The following SPI1 variants were observed in gnomAD, a reference collection of about 807,000 sequenced individuals.
SPI1 encodes the protein Spi-1 proto-oncogene.
Under a neutral mutation model 30.7 loss-of-function variants are expected in SPI1, and 3 were observed. The ratio of observed to expected loss-of-function variants is 0.10; its 90% CI spans 0.04 to 0.25. The LOEUF (loss-of-function observed/expected upper bound fraction) is 0.25, where lower values mean the gene tolerates loss of function less well. Ranked by LOEUF, SPI1 falls within the 10% of genes least tolerant of loss-of-function variation. The pLI is 1.00. For synonymous variants in SPI1, 169 were observed against 157.1 expected (o/e 1.08, Z -0.56); for missense variants, 261 against 371.5 (o/e 0.70, Z 2.45).
rs1412567375 is a variant in SPI1, at chr11:47,355,979, CCA to C, written c.494-435_494-434del. 7.3e-5 allele frequency among the ~76,000 whole-genome samples: 11 copies of C among 151,616 alleles called. No individual in the cohort carries two copies. In the South Asian group the frequency reaches 8.3e-4, roughly 11 times the overall value. ...TGCAACCACTCACTCATGCTCACACCCACACACGCTCACACGTACAATGTATC... is the reference window on the plus strand; with the variant it reads ...TGCAACCACTCACTCATGCTCACACCCACACGCTCACACGTACAATGTATC... On this transcript the variant is annotated intron_variant, in intron 4 of 4. Coordinates refer to ENST00000378538, the MANE Select transcript of SPI1 (RefSeq NM_003120.3).
chr11:47,368,338 C>T (rs2095931290), intron 2 of SPI1, among the ~76,000 whole-genome samples: 1 of 152,126 alleles, frequency 6.6e-6, no homozygotes, highest in African/African-American at 2.4e-5. Flanking sequence ...CCACTCCAGC[C>T]TGGGTGACAG....
intron 2 of SPI1, among the ~76,000 whole-genome samples, chr11:47,365,695 A>T (rs2095927139): frequency 6.6e-6 from 1 of 151,540 alleles, no homozygotes; most frequent in Non-Finnish European, 1.5e-5. Context: ...ACGCTGAGAG[A>T]TTTTTTATTT....
chr11:47,366,852 G>GAA (rs1303843429), intron 2 of SPI1, among the ~76,000 whole-genome samples: 1 of 140,660 alleles, frequency 7.1e-6, no homozygotes, highest in Non-Finnish European at 1.6e-5. Flanking sequence ...GAAAAGAAAA[G>GAA]AAACAGGCTC....
chr11:47,356,618 C>G (rs992011361), intron 4 of SPI1, among the ~76,000 whole-genome samples: 1 of 151,604 alleles, frequency 6.6e-6, no homozygotes, highest in African/African-American at 2.4e-5. Flanking sequence ...CTTATACTTG[C>G]TTACACATGC....
Position 47,378,441 on chromosome 11 carries a change from G to C in SPI1, c.-88C>G. On this transcript the variant is annotated 5_prime_UTR_variant, in exon 1 of 5. Coordinates refer to ENST00000378538, the MANE Select transcript of SPI1 (RefSeq NM_003120.3). ...GGATGGGGTGCCCCGTCAGGGGCTG[G>C]ACGGTCGTGGGGCGGGTGCAGGGCT... The C allele has an allele frequency of 6.9e-7, 1 of 1,452,722 alleles. No individual in the cohort carries two copies. The highest frequency in any genetic ancestry group is 2.5e-5 in the East Asian group (1 of 40,802). 90.0% of individuals were successfully genotyped at this position (1,452,722 alleles called of 1,614,324 possible).
Position 47,374,664 on chromosome 11 carries a change from C to T in SPI1, c.142+969G>A, listed in dbSNP as rs572694646. Among the ~76,000 whole-genome samples, 8 of 152,302 alleles carry T rather than the reference C, an allele frequency of 5.3e-5. No individual in the cohort carries two copies. The highest frequency in any genetic ancestry group is 3.4e-3 in the Middle Eastern group (1 of 294). ...GACGCCCTGAGGAATTCCCCAGTGA[C>T]GACTCACCCACTGACTAGGCCACCT... On this transcript the variant is annotated intron_variant, in intron 2 of 4. Coordinates refer to ENST00000378538, the MANE Select transcript of SPI1 (RefSeq NM_003120.3). This position sits in a 1 kb window ranked among gnomAD's most constrained non-coding sequence, Gnocchi z 4.5.
Position 47,363,138 on chromosome 11 carries a change from C to T in SPI1, c.143-3098G>A, listed in dbSNP as rs2095923326. On this transcript the variant is annotated intron_variant, in intron 2 of 4. Coordinates refer to ENST00000378538, the MANE Select transcript of SPI1 (RefSeq NM_003120.3). Reference sequence around the variant, plus strand: ...GAGGGCAGGGACTGGTTTTGTTCACCTCCGTCTTCCCAGTGCCTAAGTAGA... The same window carrying T: ...GAGGGCAGGGACTGGTTTTGTTCACTTCCGTCTTCCCAGTGCCTAAGTAGA... Among the ~76,000 whole-genome samples, 3 of 152,192 alleles carry T rather than the reference C, an allele frequency of 2.0e-5. No individual in the cohort carries two copies. The South Asian group carries it at 6.2e-4, about 31-fold the overall frequency.
In SPI1 at chr11:47,359,888, G is replaced by C; in HGVS notation, c.295C>G (p.Pro99Ala). 1 of 1,608,736 alleles carries C rather than the reference G, an allele frequency of 6.2e-7. No individual in the cohort carries two copies. The highest frequency in any genetic ancestry group is 8.5e-7 in the Non-Finnish European group (1 of 1,179,866). Reference protein sequence around the residue: ...ELEQMHVLDTPMVPPHPSLGH... With the variant: ...ELEQMHVLDTAMVPPHPSLGH... ...AGACTGGGATGGGGTGGCACCATGG[G>C]GGTATCGAGGACGTGCATCTGCTCC... The change falls in exon 3 of 5, where the codon CCC (proline) becomes GCC (alanine). Residue 99 changes from proline to alanine, a missense_variant. Pro to Ala is a conservative substitution (Grantham distance 27). Transcript: ENST00000378538. This position sits in a 1 kb window ranked among gnomAD's most constrained non-coding sequence, Gnocchi z 5.1.
At chr11:47,378,051 G>A (rs2278890) in intron 1 of SPI1, among the ~76,000 whole-genome samples, 39,021 of 152,116 alleles carry the variant, frequency 0.26, 6,346 homozygotes, top group Non-Finnish European at 0.36. Flanking sequence ...CCTGCCACCC[G>A]AGCCCTGTCT....
At chr11:47,370,062 T>A (rs1227865414) in intron 2 of SPI1, among the ~76,000 whole-genome samples, 1 of 152,192 alleles carries the variant, frequency 6.6e-6, no homozygotes, top group Non-Finnish European at 1.5e-5. Flanking sequence ...TTCAGCAGCC[T>A]GGTTTCAGAA....
chr11:47,357,617 G>A (rs998739054), intron 4 of SPI1, among the ~76,000 whole-genome samples: 3 of 152,020 alleles, frequency 2.0e-5, no homozygotes, highest in Non-Finnish European at 4.4e-5. Flanking sequence ...CCAGGCTGGA[G>A]TGCAATGGCA....
In SPI1 at chr11:47,359,750, A is replaced by T; in HGVS notation, c.330+103T>A. 1 of 1,347,686 alleles carries T rather than the reference A, an allele frequency of 7.4e-7. No homozygotes were observed. The highest frequency in any genetic ancestry group is 1.0e-6 in the Non-Finnish European group (1 of 979,700). 83.5% of individuals were successfully genotyped at this position (1,347,686 alleles called of 1,614,324 possible). ...GCCGCCGTTGGCACTGTGGGGCAGG[A>T]AGCTGAGTTGGGTAAGAGCCTGTGT... On this transcript the variant is annotated intron_variant, in intron 3 of 4. Transcript: ENST00000378538. This position sits in a 1 kb window ranked among gnomAD's most constrained non-coding sequence, Gnocchi z 5.1.
chr11:47,373,021 G>C (rs1367754804), intron 2 of SPI1, among the ~76,000 whole-genome samples: 1 of 152,122 alleles, frequency 6.6e-6, no homozygotes, highest in Admixed American at 6.6e-5. Flanking sequence ...GGGTCTCTAT[G>C]GTTGAGTCTT....
rs553729147 is a variant in SPI1, at chr11:47,359,190, G to A, written c.331-184C>T. On this transcript the variant is annotated intron_variant, in intron 3 of 4. Transcript: ENST00000378538. The surrounding 1 kb of genome is among the most constrained non-coding windows in gnomAD (Gnocchi z 5.1). ...GTTGAGGTGCTGCACATAGGGTGCA[G>A]GCTGTGGGGCGAGGGGTGCTGACAT... 6.6e-6 allele frequency among the ~76,000 whole-genome samples: 1 copy of A among 152,264 alleles called. No individual in the cohort carries two copies. The highest frequency in any genetic ancestry group is 1.5e-5 in the Non-Finnish European group (1 of 68,004).
chr11:47,369,049 C>G (rs1479495690), intron 2 of SPI1, among the ~76,000 whole-genome samples: 1 of 152,090 alleles, frequency 6.6e-6, no homozygotes, highest in African/African-American at 2.4e-5. Context: ...ACTTCAAGAC[C>G]AGCCTGGCCA....
At position 47,363,318 on chromosome 11, in the gene SPI1, C is replaced by T. The variant is rs550128976; in HGVS notation, c.143-3278G>A. 1.3e-3 allele frequency among the ~76,000 whole-genome samples: 195 copies of T among 152,156 alleles called. 3 individuals are homozygous for T. Among genetic ancestry groups the T allele is most frequent in the Non-Finnish European group, 1.6e-4 (11 of 68,000 alleles). On this transcript the variant is annotated intron_variant, in intron 2 of 4. Coordinates refer to ENST00000378538, the MANE Select transcript of SPI1 (RefSeq NM_003120.3). The stretch of plus-strand genomic sequence containing the variant: ...AGCGAATCACCTGAGGTCAGGAGTC[C>T]GAGATCAACCTGGCCAACATGATGA...
In SPI1 at chr11:47,375,180, G is replaced by T. The variant is rs988490785; in HGVS notation, c.142+453C>A. 6.6e-6 allele frequency among the ~76,000 whole-genome samples: 1 copy of T among 152,212 alleles called. No individual in the cohort carries two copies. Among genetic ancestry groups the T allele is most frequent in the Non-Finnish European group, 1.5e-5 (1 of 68,034 alleles). ...TAGGAAACCCTGCCAACCACACATG[G>T]CAGGAAGTGCGGATGTGCCGGCGGG... is the stretch of plus-strand genomic sequence containing the variant. On this transcript the variant is annotated intron_variant, in intron 2 of 4. Transcript: ENST00000378538. This position sits in a 1 kb window ranked among gnomAD's most constrained non-coding sequence, Gnocchi z 4.2.
chr11:47,364,780 C>T (rs1685785734), intron 2 of SPI1, among the ~76,000 whole-genome samples: 1 of 152,186 alleles, frequency 6.6e-6, no homozygotes, highest in African/African-American at 2.4e-5. Flanking sequence ...AGTCCACCAT[C>T]ATCCATCACT....
rs1365195843 is a variant in SPI1, at chr11:47,378,520, T to C, written c.-167A>G. 2 of 647,658 alleles carry C rather than the reference T, an allele frequency of 3.1e-6. No homozygotes were observed. Among genetic ancestry groups the C allele is most frequent in the East Asian group, 5.6e-5 (2 of 35,914 alleles). 40.1% of individuals were successfully genotyped at this position (647,658 alleles called of 1,614,324 possible). A position where few individuals can be genotyped will look rare whatever the true frequency, so the allele number is the denominator to read the frequency against. Reference sequence around the variant, plus strand: ...CTGGGTGAGCCCCCTCCCTTGACATTGCAGGGCCAGCACAAGTTCCTGATT... The same window carrying C: ...CTGGGTGAGCCCCCTCCCTTGACATCGCAGGGCCAGCACAAGTTCCTGATT... On this transcript the variant is annotated 5_prime_UTR_variant, in exon 1 of 5. Transcript: ENST00000378538.
Sources: allele counts gnomAD v4.1 joint callset (sites outside exome capture counted in the v4.1 genomes callset), GRCh38; gene constraint gnomAD v4.1.1; non-coding constraint Gnocchi (gnomAD v3.1); transcripts MANE v1.5; gene names NCBI Gene and HGNC (gene_info 2026-07-23, HGNC 2026-07-21).